C11orf97: variants seen among roughly 807,000 people sequenced by gnomAD.
C11orf97 encodes chromosome 11 open reading frame 97.
A neutral mutation model predicts 16.2 loss-of-function variants in C11orf97; 15 were observed. That is an observed-to-expected ratio of 0.93 (90% confidence interval 0.62 to 1.43). The LOEUF is 1.43. Among genes scored for constraint, C11orf97 ranks in the 40% most tolerant of loss-of-function variants. The pLI is 0.00. For missense variants in C11orf97, 171 were observed against 161.2 expected (o/e 1.06, Z -0.33); for synonymous variants, 61 against 65.7 (o/e 0.93, Z 0.34).
intron 2 of C11orf97, among the ~76,000 whole-genome samples, chr11:94,527,474 T>C (rs1310668802): frequency 1.3e-5 from 2 of 152,194 alleles, no homozygotes; most frequent in Non-Finnish European, 2.9e-5. Context: ...GTGCAAATCT[T>C]TGCTAAACCT....
intron 2 of C11orf97, among the ~76,000 whole-genome samples, chr11:94,521,526 AT>A (rs991676920): frequency 1.3e-5 from 2 of 151,962 alleles, no homozygotes; most frequent in East Asian, 3.9e-4. Context: ...ACTACTTACA[AT>A]TTTTTTTCAA....
At chr11:94,518,586 C>T (rs1165847890) in intron 2 of C11orf97, among the ~76,000 whole-genome samples, 1 of 152,106 alleles carries the variant, frequency 6.6e-6, no homozygotes, top group African/African-American at 2.4e-5. Flanking sequence ...ATTGATGGTT[C>T]ATGTGTGAAA....
chr11:94,514,599 T>A (rs1230847061), intron 1 of C11orf97, among the ~76,000 whole-genome samples: 1 of 152,048 alleles, frequency 6.6e-6, no homozygotes, highest in Admixed American at 6.6e-5. Flanking sequence ...ACCAAATCTT[T>A]CATAGACTTA....
At chr11:94,521,891 C>G (rs1370315457) in intron 2 of C11orf97, among the ~76,000 whole-genome samples, 1 of 152,214 alleles carries the variant, frequency 6.6e-6, no homozygotes, top group African/African-American at 2.4e-5. Context: ...TGTTCTGCCT[C>G]TAGGTGGCTT....
chr11:94,520,561 A>G (rs1216500093), intron 2 of C11orf97, among the ~76,000 whole-genome samples: 2 of 152,120 alleles, frequency 1.3e-5, no homozygotes, highest in African/African-American at 4.8e-5. Context: ...AGGCCTCTCA[A>G]CCTTAAGATG....
intron 1 of C11orf97, 34 bp downstream of exon 1, chr11:94,512,707 A>G: frequency 2.4e-6 from 3 of 1,235,156 alleles, no homozygotes; most frequent in Non-Finnish European, 2.0e-6. Flanking sequence ...CGCTACTGGG[A>G]GGAGGGGCGT....
At chr11:94,523,553 G>C (rs1947676385) in intron 2 of C11orf97, among the ~76,000 whole-genome samples, 1 of 152,140 alleles carries the variant, frequency 6.6e-6, no homozygotes, top group Non-Finnish European at 1.5e-5. Context: ...TTAAATTATA[G>C]CACGTTTTAT....
intron 1 of C11orf97, among the ~76,000 whole-genome samples, chr11:94,516,510 G>A (rs1244414974): frequency 2.6e-5 from 4 of 152,124 alleles, no homozygotes; most frequent in Admixed American, 2.6e-4. Context: ...TTATTATCAT[G>A]CCAAGCTCTG....
At chr11:94,515,333 C>T (rs575774335) in intron 1 of C11orf97, among the ~76,000 whole-genome samples, 7 of 151,808 alleles carry the variant, frequency 4.6e-5, no homozygotes, top group African/African-American at 7.3e-5. Flanking sequence ...ATCCAAAAAA[C>T]GTGGAATAAT....
intron 2 of C11orf97, among the ~76,000 whole-genome samples, chr11:94,519,801 C>T (rs1947643511): frequency 6.6e-6 from 1 of 152,206 alleles, no homozygotes; most frequent in Admixed American, 6.5e-5. Context: ...AAATATATAT[C>T]ATGGCTAGAA....
intron 2 of C11orf97, among the ~76,000 whole-genome samples, chr11:94,518,679 T>C (rs1204827824): frequency 6.6e-6 from 1 of 152,210 alleles, no homozygotes; most frequent in African/African-American, 2.4e-5. Context: ...TTCTCAACGA[T>C]TACTAGATGC....
At chr11:94,516,789 A>G (rs1220829921) in intron 1 of C11orf97, among the ~76,000 whole-genome samples, 1 of 152,232 alleles carries the variant, frequency 6.6e-6, no homozygotes, top group Non-Finnish European at 1.5e-5. Context: ...TTATATAGGC[A>G]AAACCAGGAG....
intron 2 of C11orf97, among the ~76,000 whole-genome samples, chr11:94,524,312 C>T (rs1379515930): frequency 6.6e-6 from 1 of 152,074 alleles, no homozygotes; most frequent in Non-Finnish European, 1.5e-5. Context: ...TTGTCAGAAG[C>T]TGATGTTGTT....
intron 2 of C11orf97, among the ~76,000 whole-genome samples, chr11:94,521,368 C>A (rs970239371): frequency 1.2e-4 from 18 of 152,230 alleles, no homozygotes; most frequent in African/African-American, 4.3e-4. Context: ...GGCTAGCGAT[C>A]TGCCTTATGA....
intron 2 of C11orf97, among the ~76,000 whole-genome samples, chr11:94,525,520 TG>T (rs1947692946): frequency 6.6e-6 from 1 of 152,248 alleles, no homozygotes; most frequent in African/African-American, 2.4e-5. Flanking sequence ...AAATGTTTTT[TG>T]TACCTACAAT....
At chr11:94,514,876 C>T (rs1458854489) in intron 1 of C11orf97, among the ~76,000 whole-genome samples, 2 of 151,962 alleles carry the variant, frequency 1.3e-5, no homozygotes, top group African/African-American at 4.8e-5. Flanking sequence ...GACTCCTGAC[C>T]TCAAGTAATC....
chr11:94,512,755 T>A, intron 1 of C11orf97, 82 bp downstream of exon 1: 1 of 1,219,118 alleles, frequency 8.2e-7, no homozygotes, highest in Non-Finnish European at 1.0e-6. Context: ...GAAACCGCAG[T>A]GGGACTGGCT....
At chr11:94,516,519 T>A (rs1947612656) in intron 1 of C11orf97, among the ~76,000 whole-genome samples, 1 of 152,220 alleles carries the variant, frequency 6.6e-6, no homozygotes, top group Non-Finnish European at 1.5e-5. Flanking sequence ...TGCCAAGCTC[T>A]GTTCTAAGAC....
chr11:94,518,029 G>C (rs887146856), intron 2 of C11orf97, among the ~76,000 whole-genome samples: 2 of 151,696 alleles, frequency 1.3e-5, no homozygotes, highest in African/African-American at 4.8e-5. Context: ...GGCACCTGTA[G>C]TCCCAGCTAC....
Sources: gnomAD v4.1 joint callset for allele counts (sites outside exome capture counted in the v4.1 genomes callset) on GRCh38, gnomAD v4.1.1 for gene constraint, MANE v1.5 for transcripts, NCBI Gene and HGNC (gene_info 2026-07-23, HGNC 2026-07-21) for gene names.